UBQLN1: variants seen among roughly 807,000 people sequenced by gnomAD.
UBQLN1 encodes ubiquilin 1, also known as ubiquilin-1.
A neutral mutation model predicts 65.4 loss-of-function variants in UBQLN1; 13 were observed. The observed-to-expected ratio is 0.20, with a 90% confidence interval of 0.13 to 0.32. The LOEUF (loss-of-function observed/expected upper bound fraction) is 0.32. Ranked by LOEUF, UBQLN1 falls within the 10% of genes least tolerant of loss-of-function variation. UBQLN1 has a pLI of 1.00. For synonymous variants in UBQLN1, 267 were observed against 247.8 expected (o/e 1.08, Z -0.73); for missense variants, 561 against 724.0 (o/e 0.77, Z 2.58).
In UBQLN1 at chr9:83,661,095, T is replaced by A. The variant is rs1479464134; in HGVS notation, c.*692A>T. The A allele has an allele frequency of 6.6e-6, 1 of 152,210 alleles. No individual in the cohort carries two copies. The highest frequency in any genetic ancestry group is 1.5e-5 in the Non-Finnish European group (1 of 68,022). 9.4% of individuals were successfully genotyped at this position (152,210 alleles called of 1,614,324 possible). On this transcript the variant is annotated 3_prime_UTR_variant, in exon 11 of 11. Transcript: ENST00000376395. ...ATTGTCCTTAAAGAGATAACCAGAA[T>A]CAGCTTTTCTACTGTATTTTCAACA...
At chr9:83,683,726 A>G (rs1043354679) in intron 2 of UBQLN1, among the ~76,000 whole-genome samples, 5 of 152,128 alleles carry the variant, frequency 3.3e-5, no homozygotes, top group African/African-American at 4.8e-5. Context: ...ACTATATAAA[A>G]AACTTTTTTA....
chr9:83,695,484 C>T (rs896647836), intron 1 of UBQLN1, among the ~76,000 whole-genome samples: 73 of 152,214 alleles, frequency 4.8e-4, no homozygotes, highest in African/African-American at 1.6e-3. Flanking sequence ...AGGCGTGAGG[C>T]GCCATGCCCA....
chr9:83,703,248 T>C (rs903730433), intron 1 of UBQLN1, among the ~76,000 whole-genome samples: 3 of 151,992 alleles, frequency 2.0e-5, no homozygotes, highest in Admixed American at 6.6e-5. Flanking sequence ...AGGTTGAGCA[T>C]CCCCAATCCA....
chr9:83,680,111 G>T, intron 3 of UBQLN1, 74 bp from the exon 4 acceptor site: 1 of 1,470,752 alleles, frequency 6.8e-7, no homozygotes, highest in Non-Finnish European at 9.1e-7. Flanking sequence ...AAAATATGAA[G>T]ATGCAAAAAA....
intron 7 of UBQLN1, chr9:83,667,657 G>A (rs1272565120): frequency 1.0e-6 from 1 of 985,110 alleles, no homozygotes. Context: ...ATATCTTTTG[G>A]AATTCACTTC....
In UBQLN1 at chr9:83,660,302, A is replaced by C. The variant is rs1831543075; in HGVS notation, c.*1485T>G. 6.6e-6 allele frequency: 1 copy of C among 152,630 alleles called. No homozygotes were observed. Among genetic ancestry groups the C allele is most frequent in the Admixed American group, 6.5e-5 (1 of 15,286 alleles). 9.5% of individuals were successfully genotyped at this position (152,630 alleles called of 1,614,324 possible). A position where few individuals can be genotyped will look rare whatever the true frequency, so the allele number is the denominator to read the frequency against. ...TATTTCCCTTGATTTTATTGGTCTG[A>C]ATTCATTTTAGGTTACTTTAACATT... On this transcript the variant is annotated 3_prime_UTR_variant, in exon 11 of 11. Transcript: ENST00000376395.
intron 4 of UBQLN1, 40 bp from the exon 5 acceptor site, chr9:83,678,639 T>C (rs180965294): frequency 3.8e-5 from 59 of 1,569,700 alleles, no homozygotes; most frequent in African/African-American, 2.2e-4. Context: ...AAAAAAGGCA[T>C]TGAAATACAC....
chr9:83,704,561 T>C (rs1832365488), intron 1 of UBQLN1, among the ~76,000 whole-genome samples: 2 of 152,180 alleles, frequency 1.3e-5, no homozygotes. Flanking sequence ...GCCCGGTGGT[T>C]CACACCTGTA....
chr9:83,704,432 T>G (rs1335726166), intron 1 of UBQLN1, among the ~76,000 whole-genome samples: 1 of 152,236 alleles, frequency 6.6e-6, no homozygotes, highest in Non-Finnish European at 1.5e-5. Flanking sequence ...TCAATTTTTA[T>G]CACATTTTCT....
intron 7 of UBQLN1, chr9:83,668,015 AAAGC>A (rs2131144825): frequency 1.0e-6 from 1 of 985,452 alleles, no homozygotes; most frequent in South Asian, 4.7e-5. Flanking sequence ...TCAAATTTTA[AAAGC>A]AAGATGCACA....
At chr9:83,674,485 AG>A (rs1831796343) in intron 6 of UBQLN1, among the ~76,000 whole-genome samples, 1 of 152,236 alleles carries the variant, frequency 6.6e-6, no homozygotes, top group Non-Finnish European at 1.5e-5. Flanking sequence ...AATGAAAATA[AG>A]ACTGCAACCA....
At chr9:83,680,413 C>T (rs141606585) in intron 3 of UBQLN1, among the ~76,000 whole-genome samples, 167 of 151,828 alleles carry the variant, frequency 1.1e-3, no homozygotes, top group African/African-American at 3.7e-3. Context: ...TGACTTAGGC[C>T]CCTGGAAAGC....
intron 8 of UBQLN1, 64 bp from the exon 9 acceptor site, chr9:83,665,209 T>C: frequency 7.9e-7 from 1 of 1,259,030 alleles, no homozygotes. Flanking sequence ...AATTTTTAAA[T>C]CTTTTCTCTG....
In UBQLN1 at chr9:83,703,761, A is replaced by C. The variant is rs187393289; in HGVS notation, c.180+3739T>G. ...TTCACTCTAAATTGGAAAAAAGCTT[A>C]AGCTTTATTAGTAACCTTGAACAAG... On this transcript the variant is annotated intron_variant, in intron 1 of 10. Coordinates refer to ENST00000376395, the MANE Select transcript of UBQLN1 (RefSeq NM_013438.5). Among the ~76,000 whole-genome samples the C allele has an allele frequency of 3.9e-3, 596 of 152,312 alleles. 6 individuals carry two copies. Among genetic ancestry groups the C allele is most frequent in the Middle Eastern group, 0.01 (3 of 294 alleles).
chr9:83,691,824 T>C lies in UBQLN1; in HGVS notation c.181-5669A>G, dbSNP rs1832133751. Among the ~76,000 whole-genome samples the C allele has an allele frequency of 2.0e-5, 3 of 152,230 alleles. No individual in the cohort carries two copies. In the South Asian group the frequency reaches 6.2e-4, roughly 31 times the overall value. ...CTGGAGGGGTATCTTAGTCTTGAAG[T>C]ATGAATTTATGGCACTTCATGCTAA... On this transcript the variant is annotated intron_variant, in intron 1 of 10. Coordinates refer to ENST00000376395, the MANE Select transcript of UBQLN1 (RefSeq NM_013438.5).
intron 10 of UBQLN1, 86 bp downstream of exon 10, chr9:83,663,788 CT>C: frequency 6.9e-7 from 1 of 1,449,114 alleles, no homozygotes; most frequent in Non-Finnish European, 9.3e-7. Context: ...TACTGCTTTC[CT>C]TTTTTCTCCC....
At chr9:83,705,209 GCATTTTT>G (rs1832379340) in intron 1 of UBQLN1, among the ~76,000 whole-genome samples, 1 of 149,316 alleles carries the variant, frequency 6.7e-6, no homozygotes, top group Admixed American at 6.6e-5. Flanking sequence ...AATGATACAA[GCATTTTT>G]CAGTATATGT....
intron 7 of UBQLN1, 88 bp downstream of exon 7, chr9:83,669,097 C>T (rs1831689168): frequency 6.8e-7 from 1 of 1,478,570 alleles, no homozygotes; most frequent in Non-Finnish European, 9.1e-7. Flanking sequence ...ATATCATACA[C>T]AACACAAATG....
At chr9:83,671,317 G>A (rs761784818) in intron 6 of UBQLN1, among the ~76,000 whole-genome samples, 4 of 152,194 alleles carry the variant, frequency 2.6e-5, no homozygotes, top group Admixed American at 6.5e-5. Context: ...CATTGAGAAT[G>A]GTGAATGAAT....
Sources: allele counts gnomAD v4.1 joint callset (sites outside exome capture counted in the v4.1 genomes callset), GRCh38; gene constraint gnomAD v4.1.1; transcripts MANE v1.5; gene names NCBI Gene and HGNC (gene_info 2026-07-23, HGNC 2026-07-21).